Variants in OSBPL10 observed in about 807,000 individuals in gnomAD.
OSBPL10 encodes oxysterol binding protein like 10, also known as oxysterol-binding protein-related protein 10.
OSBPL10 carries 49 observed loss-of-function variants against 81.7 expected under a neutral mutation model. The observed-to-expected ratio is 0.60, with a 90% CI of 0.48 to 0.76. The LOEUF is 0.76. OSBPL10 is among the 30% of genes least tolerant of loss of function. The pLI is 0.00. For missense variants in OSBPL10, 923 were observed against 987.8 expected, an observed-to-expected ratio of 0.93 and a Z score of 0.88; for synonymous variants, 419 against 383.6, an observed-to-expected ratio of 1.09 and a Z score of -1.08.
chr3:31,663,596 C>T (rs552303162), intron 11 of OSBPL10: 8 of 1,023,734 alleles, frequency 7.8e-6, no homozygotes, highest in Admixed American at 5.1e-5. Flanking sequence ...GCTGGCCTTC[C>T]CCTGCATGAC....
intron 4 of OSBPL10, among the ~76,000 whole-genome samples, chr3:31,751,863 G>A (rs901723879): frequency 2.6e-5 from 4 of 152,152 alleles, no homozygotes; most frequent in Admixed American, 6.6e-5. Context: ...AAAAGAAGTT[G>A]AATGAACCCT....
At chr3:31,773,720 G>C (rs543487459) in intron 4 of OSBPL10, among the ~76,000 whole-genome samples, 1 of 152,340 alleles carries the variant, frequency 6.6e-6, no homozygotes, top group South Asian at 2.1e-4. Flanking sequence ...GGCTGAGAAT[G>C]TCATGCTTCA....
At chr3:31,681,060 C>T (rs1244303639) in intron 8 of OSBPL10, among the ~76,000 whole-genome samples, 1 of 152,190 alleles carries the variant, frequency 6.6e-6, no homozygotes, top group Non-Finnish European at 1.5e-5. Context: ...TACAACCCAC[C>T]TCCATCTGAA....
intron 4 of OSBPL10, chr3:31,797,891 T>C: frequency 2.3e-6 from 1 of 444,430 alleles, no homozygotes; most frequent in South Asian, 1.6e-5. Flanking sequence ...TAGCTATGGT[T>C]CTTTCTAGCA....
At position 31,662,095 on chromosome 3, in the gene OSBPL10, T is replaced by C. The variant is rs141622743; in HGVS notation, c.2272A>G (p.Asn758Asp). 1.8e-5 allele frequency: 29 copies of C among 1,613,838 alleles called. No individual in the cohort carries two copies. Among genetic ancestry groups the C allele is most frequent in the Non-Finnish European group, 2.3e-5 (27 of 1,179,952 alleles). Residue 758 changes from asparagine (N) to aspartate (D), a missense_variant, in exon 12 of 12, where the codon AAT (asparagine) becomes GAT (aspartate). Physicochemically the swap from Asn to Asp is conservative, Grantham distance 23 (BLOSUM62 1). Around this residue, in one of 3 missense-constraint regions of OSBPL10, gnomAD observed 387 missense variants for 436.3 expected, o/e 0.89. Coordinates refer to ENST00000396556, the MANE Select transcript of OSBPL10 (RefSeq NM_017784.5). ...IQEGDGWVYF[N>D]PLWKAH is the part of the protein sequence containing the mutation. ...CATCAGTGTGCTTTCCAGAGGGGAT[T>C]GAAGTATACCCAGCCATCGCCCTGC...
At chr3:31,970,311 C>T (rs1698523451) in intron 1 of OSBPL10, among the ~76,000 whole-genome samples, 1 of 152,168 alleles carries the variant, frequency 6.6e-6, no homozygotes, top group Admixed American at 6.5e-5. Context: ...CCTCTGAGGC[C>T]AGATTTCTTC....
chr3:31,881,244 G>A (rs968375592), intron 1 of OSBPL10, among the ~76,000 whole-genome samples: 1 of 152,134 alleles, frequency 6.6e-6, no homozygotes, highest in Non-Finnish European at 1.5e-5. Flanking sequence ...CCAGCAGTGT[G>A]CCTGATAGTT....
intron 4 of OSBPL10, among the ~76,000 whole-genome samples, chr3:31,750,826 T>C (rs561822884): frequency 6.6e-6 from 1 of 152,266 alleles, no homozygotes; most frequent in Non-Finnish European, 1.5e-5. Flanking sequence ...ATACGGTATA[T>C]ACTCATTTCT....
intron 2 of OSBPL10, among the ~76,000 whole-genome samples, chr3:32,007,682 A>G (rs954955410): frequency 2.0e-5 from 3 of 152,024 alleles, no homozygotes; most frequent in Non-Finnish European, 4.4e-5. Flanking sequence ...TCTCAATCAT[A>G]CAGGATGATC....
chr3:31,696,228 C>A (rs1314813125), intron 7 of OSBPL10, among the ~76,000 whole-genome samples: 1 of 152,076 alleles, frequency 6.6e-6, no homozygotes, highest in Non-Finnish European at 1.5e-5. Flanking sequence ...GATCCCATGC[C>A]CTCTCACCTC....
intron 3 of OSBPL10, among the ~76,000 whole-genome samples, chr3:31,860,926 G>C (rs920515688): frequency 1.3e-5 from 2 of 151,268 alleles, no homozygotes; most frequent in African/African-American, 4.9e-5. Context: ...GGCCAGGCTG[G>C]TCTTAAAATC....
chr3:31,792,276 A>C (rs1384488928), intron 4 of OSBPL10, among the ~76,000 whole-genome samples: 3 of 152,144 alleles, frequency 2.0e-5, no homozygotes, highest in Non-Finnish European at 2.9e-5. Flanking sequence ...CTGGCAAGTC[A>C]AAGAACATTC....
intron 1 of OSBPL10, among the ~76,000 whole-genome samples, chr3:31,925,307 C>A (rs532869920): frequency 1.3e-5 from 2 of 152,024 alleles, no homozygotes; most frequent in Non-Finnish European, 2.9e-5. Flanking sequence ...AGACCCTCCA[C>A]GACCCTCCAC....
chr3:31,667,447 C>A (rs1032700661), intron 10 of OSBPL10, among the ~76,000 whole-genome samples: 1 of 152,186 alleles, frequency 6.6e-6, no homozygotes, highest in Non-Finnish European at 1.5e-5. Flanking sequence ...TCCATTAAAC[C>A]CAGTTATTAA....
At chr3:31,842,522 A>T (rs928771871) in intron 3 of OSBPL10, among the ~76,000 whole-genome samples, 8 of 152,226 alleles carry the variant, frequency 5.3e-5, no homozygotes, top group Non-Finnish European at 1.2e-4. Flanking sequence ...TGGGCTTTAC[A>T]TAAAACACAA....
At chr3:31,921,142 A>C (rs547976735) in intron 1 of OSBPL10, among the ~76,000 whole-genome samples, 1 of 152,224 alleles carries the variant, frequency 6.6e-6, no homozygotes, top group Admixed American at 6.5e-5. Context: ...CATGTTAAAC[A>C]TAAGTCAAAC....
chr3:31,807,572 CAA>C (rs35786919), intron 4 of OSBPL10, among the ~76,000 whole-genome samples: 34 of 108,410 alleles, frequency 3.1e-4, no homozygotes, highest in Admixed American at 4.7e-4. Context: ...CACATCTCTA[CAA>C]AAAAAAAAAA....
intron 4 of OSBPL10, among the ~76,000 whole-genome samples, chr3:31,759,858 C>G (rs1697982093): frequency 6.6e-6 from 1 of 152,106 alleles, no homozygotes; most frequent in Non-Finnish European, 1.5e-5. Flanking sequence ...CTCCTGGGTT[C>G]AAGTAATTCT....
intron 1 of OSBPL10, among the ~76,000 whole-genome samples, chr3:31,928,760 T>TC (rs202029366): frequency 1.0e-4 from 8 of 79,630 alleles, no homozygotes; most frequent in African/African-American, 2.9e-4. Flanking sequence ...GAGACTTGTC[T>TC]CCAAAAAAAA....
Sources: gnomAD v4.1 joint callset for allele counts (sites outside exome capture counted in the v4.1 genomes callset) on GRCh38, gnomAD v4.1.1 for gene constraint, gnomAD v4.1.1 regional missense constraint, MANE v1.5 for transcripts, NCBI Gene and HGNC (gene_info 2026-07-23, HGNC 2026-07-21) for gene names.